Variants in SRPRA observed in about 807,000 individuals in gnomAD.
SRPRA encodes signal recognition particle receptor subunit alpha.
Under a neutral mutation model 61.1 loss-of-function variants are expected in SRPRA, and 30 were observed. The observed-to-expected ratio is 0.49, with a 90% CI of 0.37 to 0.67. The LOEUF (loss-of-function observed/expected upper bound fraction) is 0.67, where lower values mean the gene tolerates loss of function less well. SRPRA is among the 30% of genes least tolerant of loss of function. The probability of loss-of-function intolerance (pLI) is 0.00; values close to 1 mark genes in which losing one functional copy is unlikely to be tolerated. For missense variants in SRPRA, 759 were observed against 828.4 expected (o/e 0.92, Z 1.03); for synonymous variants, 324 against 299.7 (o/e 1.08, Z -0.84).
Position 126,267,303 on chromosome 11 carries a change from G to A in SRPRA, c.398C>T (p.Pro133Leu), listed in dbSNP as rs774999802. The A allele has an allele frequency of 2.5e-6, 4 of 1,613,994 alleles. No homozygotes were observed. Among genetic ancestry groups the A allele is most frequent in the Non-Finnish European group, 3.4e-6 (4 of 1,180,012 alleles). Residue 133 changes from proline to leucine, a missense_variant, in exon 4 of 14, where the codon CCC becomes CTC. Coordinates refer to ENST00000332118, the MANE Select transcript of SRPRA (RefSeq NM_003139.4). This position sits in a 1 kb window ranked among gnomAD's most constrained non-coding sequence, Gnocchi z 4.2. ...ATCTTCAAATTTCTTCATGGTAGTG[G>A]GAGCACGGATCTTACTGCTCTCCTC... ...EAEESSKIRA[P>L]TTMKKFEDSE...
chr11:126,265,560 C>A lies in SRPRA; in HGVS notation c.1139-120G>T. ...TAAATTAGACTCTTGTCCCAGAAATCCAGAACAGACGCACATTACAAGGAC... is the reference window on the plus strand; with the variant it reads ...TAAATTAGACTCTTGTCCCAGAAATACAGAACAGACGCACATTACAAGGAC... On this transcript the variant is annotated intron_variant, in intron 9 of 13. Transcript: ENST00000332118. The surrounding 1 kb of genome is among the most constrained non-coding windows in gnomAD (Gnocchi z 6.3). The A allele has an allele frequency of 7.9e-7, 1 of 1,270,620 alleles. No homozygotes were observed. Among genetic ancestry groups the A allele is most frequent in the South Asian group, 1.4e-5 (1 of 71,856 alleles). 78.7% of individuals were successfully genotyped at this position (1,270,620 alleles called of 1,614,324 possible).
At chr11:126,261,362 C>T (rs1418189132), downstream of SRPRA, 3 of 1,409,274 alleles carry the variant, frequency 2.1e-6, no homozygotes, top group African/African-American at 1.4e-5. Context: ...CTTTAGTTTT[C>T]TTTTTGCTAT....
chr11:126,238,719 T>C, the SRPRA span, among the ~76,000 whole-genome samples: 3 of 152,196 alleles, frequency 2.0e-5, no homozygotes, highest in Non-Finnish European at 4.4e-5. Flanking sequence ...GATTCTCCTA[T>C]TTTAGCCCCA....
At chr11:126,261,622 C>G, downstream of SRPRA, 1 of 652,242 alleles carries the variant, frequency 1.5e-6, no homozygotes. Context: ...TGATTTTCCT[C>G]TCCTACCCAT....
chr11:126,259,865 C>T (rs1431553881), downstream of SRPRA, among the ~76,000 whole-genome samples: 5 of 151,840 alleles, frequency 3.3e-5, no homozygotes, highest in Non-Finnish European at 5.9e-5. Flanking sequence ...GGACTAAAGG[C>T]GCCCGCCACC....
chr11:126,247,898 TATACGTATATCTATATAG>T, the SRPRA span, among the ~76,000 whole-genome samples: 64 of 145,170 alleles, frequency 4.4e-4, no homozygotes, highest in Admixed American at 2.7e-3. Flanking sequence ...TATATATAGA[TATACGTATATCTATATAG>T]ATACGTATAT....
chr11:126,248,707 A>G, the SRPRA span, among the ~76,000 whole-genome samples: 1 of 152,094 alleles, frequency 6.6e-6, no homozygotes, highest in African/African-American at 2.4e-5. Context: ...TAGGATAACA[A>G]ATCTACTCCT....
downstream of SRPRA, chr11:126,262,707 G>A (rs1042990397): frequency 6.6e-6 from 1 of 152,510 alleles, no homozygotes; most frequent in South Asian, 2.1e-4. Flanking sequence ...TTGCATCAAG[G>A]TACTAATAAG....
In SRPRA at chr11:126,267,972, T is replaced by C. The variant is rs752047673; in HGVS notation, c.201+31A>G. On this transcript the variant is annotated intron_variant, in intron 2 of 13. Coordinates refer to ENST00000332118, the MANE Select transcript of SRPRA (RefSeq NM_003139.4). This position sits in a 1 kb window ranked among gnomAD's most constrained non-coding sequence, Gnocchi z 4.2. ...TTAAAAATCAGGGCTATGTTAACAA[T>C]GCAATCGTCCCTCTACAACACCCCA... The C allele has an allele frequency of 1.2e-6, 2 of 1,601,546 alleles. No homozygotes were observed. Among genetic ancestry groups the C allele is most frequent in the African/African-American group, 1.3e-5 (1 of 74,764 alleles).
At chr11:126,241,171 T>C in the SRPRA span, 1 of 1,052,554 alleles carries the variant, frequency 9.5e-7, no homozygotes, top group Non-Finnish European at 1.4e-6. Context: ...AGCTTGTAGG[T>C]TTCCATAACA....
At chr11:126,262,342 AG>A, downstream of SRPRA, 2 of 557,784 alleles carry the variant, frequency 3.6e-6, no homozygotes, top group Non-Finnish European at 3.2e-6. Flanking sequence ...TTCAAGTTCA[AG>A]AATAAAAGCG....
chr11:126,257,271 CA>C, the SRPRA span, among the ~76,000 whole-genome samples: 2 of 152,122 alleles, frequency 1.3e-5, no homozygotes, highest in Non-Finnish European at 2.9e-5. Flanking sequence ...CAAAAATTTT[CA>C]AATCTTTGAC....
At chr11:126,259,550 T>G (rs1342452019), downstream of SRPRA, among the ~76,000 whole-genome samples, 1 of 146,228 alleles carries the variant, frequency 6.8e-6, no homozygotes, top group Non-Finnish European at 1.5e-5. Flanking sequence ...CTCAGCCTCC[T>G]GAGTGGCTGG....
At chr11:126,249,600 A>G in the SRPRA span, among the ~76,000 whole-genome samples, 1 of 152,060 alleles carries the variant, frequency 6.6e-6, no homozygotes, top group Non-Finnish European at 1.5e-5. Context: ...GCACAGTGGC[A>G]GGCGCCTGTA....
In SRPRA at chr11:126,265,302, A is replaced by G. The variant is rs753153216; in HGVS notation, c.1277T>C (p.Val426Ala). ...ATTAGTAGATTTCCCCACTCCATTA[A>G]CGCCGCAGAAGGTGACGACATAAGG... ...QRPYVVTFCG[V>A]NGVGKSTNLA... Residue 426 changes from valine to alanine, a missense_variant, in exon 10 of 14, where the codon GTT becomes GCT. By Grantham distance (64) the Val-to-Ala change is moderately conservative. Transcript: ENST00000332118. This position sits in a 1 kb window ranked among gnomAD's most constrained non-coding sequence, Gnocchi z 6.3. 6.2e-7 allele frequency: 1 copy of G among 1,614,138 alleles called. No homozygotes were observed. The highest frequency in any genetic ancestry group is 1.1e-5 in the South Asian group (1 of 91,090).
At chr11:126,254,390 A>T in the SRPRA span, 1 of 1,614,240 alleles carries the variant, frequency 6.2e-7, no homozygotes, top group Non-Finnish European at 8.5e-7. Flanking sequence ...ATTGTCCTTC[A>T]TCCGGCTGGA....
At chr11:126,242,191 T>C in the SRPRA span, among the ~76,000 whole-genome samples, 1 of 152,144 alleles carries the variant, frequency 6.6e-6, no homozygotes, top group Non-Finnish European at 1.5e-5. Context: ...GATCTGGCAG[T>C]GGTTTTTTAG....
At chr11:126,268,210 C>G in intron 1 of SRPRA, 124 bp from the exon 2 acceptor site, 1 of 771,842 alleles carries the variant, frequency 1.3e-6, no homozygotes, top group Non-Finnish European at 2.1e-6. Flanking sequence ...GTCCCCAGGA[C>G]AAGAGGATGT....
the SRPRA span, among the ~76,000 whole-genome samples, chr11:126,253,783 T>C: frequency 1.3e-5 from 2 of 152,212 alleles, no homozygotes; most frequent in Admixed American, 1.3e-4. The surrounding 1 kb of genome is among the most constrained non-coding windows in gnomAD (Gnocchi z 5.1). Flanking sequence ...TAGCCCAGGC[T>C]TCTTCACTTT....
Sources: gnomAD v4.1 joint callset for allele counts (sites outside exome capture counted in the v4.1 genomes callset) on GRCh38, gnomAD v4.1.1 for gene constraint, Gnocchi (gnomAD v3.1) non-coding constraint, MANE v1.5 for transcripts, NCBI Gene and HGNC (gene_info 2026-07-23, HGNC 2026-07-21) for gene names.